Variants in ERBB4 observed in about 807,000 individuals in gnomAD.
ERBB4 encodes the protein erb-b2 receptor tyrosine kinase 4.
In ERBB4, 42 loss-of-function variants were observed where a neutral mutation model predicts 158.0. The observed-to-expected ratio is 0.27, with a 90% CI of 0.21 to 0.34. The LOEUF (loss-of-function observed/expected upper bound fraction) is 0.34. Ranked by LOEUF, ERBB4 falls within the 10% of genes least tolerant of loss-of-function variation. ERBB4 has a pLI of 1.00. For missense variants in ERBB4, 1,333 were observed against 1,624.1 expected, an observed-to-expected ratio of 0.82 and a Z score of 3.08; for synonymous variants, 583 against 558.7, an observed-to-expected ratio of 1.04 and a Z score of -0.61.
At chr2:212,373,660 G>A in intron 1 of ERBB4, among the ~76,000 whole-genome samples, 1 of 148,314 alleles carries the variant, frequency 6.7e-6, no homozygotes. Flanking sequence ...TATATGATAT[G>A]GTTGAAAGGT....
chr2:211,883,985 T>C (rs895327621), intron 3 of ERBB4, among the ~76,000 whole-genome samples: 2 of 152,162 alleles, frequency 1.3e-5, no homozygotes, highest in African/African-American at 4.8e-5. Context: ...TAATATGAAA[T>C]AGAGAAAATT....
At chr2:211,643,447 A>C (rs1379566999) in intron 16 of ERBB4, among the ~76,000 whole-genome samples, 1 of 152,084 alleles carries the variant, frequency 6.6e-6, no homozygotes, top group African/African-American at 2.4e-5. Context: ...TAACACCTAA[A>C]ACTATTGGGT....
chr2:212,293,873 A>AAAAAAT (rs1553612446), intron 1 of ERBB4, among the ~76,000 whole-genome samples: 3 of 146,058 alleles, frequency 2.1e-5, no homozygotes, highest in African/African-American at 8.0e-5. Context: ...AAAAAAAAAA[A>AAAAAAT]CATACATTTG....
chr2:212,467,587 C>A (rs903560104), intron 1 of ERBB4, among the ~76,000 whole-genome samples: 1 of 152,210 alleles, frequency 6.6e-6, no homozygotes, highest in African/African-American at 2.4e-5. Context: ...TGGGGAACCT[C>A]TGCCTAGATT....
Position 211,721,443 on chromosome 2 carries a change from CAAAAA to C in ERBB4, c.883+945_883+949del, listed in dbSNP as rs71054136. Among the ~76,000 whole-genome samples the C allele has an allele frequency of 2.1e-3, 113 of 54,496 alleles. 1 individual carries two copies. Among genetic ancestry groups the C allele is most frequent in the African/African-American group, 5.4e-3 (57 of 10,536 alleles). The allele number at this position is 54,496 out of a possible 152,430, so 35.8% of individuals were successfully genotyped here. ...GAAATGTCCCATTGGTTACTCAAAGCAAAAAAAAAAAAAAAAAAAAAATAGAGTCA... is the reference window on the plus strand; with the variant it reads ...GAAATGTCCCATTGGTTACTCAAAGCAAAAAAAAAAAAAAAAATAGAGTCA... On this transcript the variant is annotated intron_variant, in intron 7 of 27. Transcript: ENST00000342788.
At chr2:211,606,119 T>A (rs1220170197) in intron 19 of ERBB4, among the ~76,000 whole-genome samples, 1 of 152,068 alleles carries the variant, frequency 6.6e-6, no homozygotes, top group African/African-American at 2.4e-5. Context: ...AAGTATTAAA[T>A]AAAAGAATGA....
At chr2:211,565,733 A>C (rs192859863) in intron 19 of ERBB4, among the ~76,000 whole-genome samples, 63 of 152,244 alleles carry the variant, frequency 4.1e-4, no homozygotes, top group Non-Finnish European at 6.6e-4. Context: ...CCAAGGGTTT[A>C]TCGTGAGGTT....
intron 20 of ERBB4, among the ~76,000 whole-genome samples, chr2:211,546,236 A>C (rs747618503): frequency 6.6e-6 from 1 of 152,140 alleles, no homozygotes; most frequent in African/African-American, 2.4e-5. Context: ...GTGGCTACAT[A>C]GAATGACTCT....
intron 14 of ERBB4, among the ~76,000 whole-genome samples, chr2:211,671,772 A>C (rs16846710): frequency 0.29 from 43,512 of 151,968 alleles, 7,592 homozygotes; most frequent in East Asian, 0.88. Context: ...TTAAAGACTC[A>C]TACAGATATC....
chr2:211,512,281 G>T (rs949325291), intron 20 of ERBB4, among the ~76,000 whole-genome samples: 2 of 151,992 alleles, frequency 1.3e-5, no homozygotes, highest in African/African-American at 4.8e-5. Flanking sequence ...TAGACATGCG[G>T]TTTTTCCTTC....
chr2:212,124,523 A>G (rs1369363068), intron 2 of ERBB4: 7 of 542,748 alleles, frequency 1.3e-5, no homozygotes, highest in Non-Finnish European at 2.0e-5. Context: ...TCTTTTCTCA[A>G]TCTTAGGGCA....
chr2:212,391,706 A>ATATATTATATAT (rs2090870652), intron 1 of ERBB4, among the ~76,000 whole-genome samples: 1 of 91,370 alleles, frequency 1.1e-5, no homozygotes, highest in Non-Finnish European at 2.4e-5. Context: ...TATATATTAT[A>ATATATTATATAT]TATATTGACA....
At chr2:212,433,242 C>A (rs181046699) in intron 1 of ERBB4, among the ~76,000 whole-genome samples, 20 of 152,054 alleles carry the variant, frequency 1.3e-4, no homozygotes, top group Admixed American at 7.9e-4. Flanking sequence ...GACATTTTTA[C>A]AATGGATTTT....
At chr2:212,392,791 G>A (rs895568592) in intron 1 of ERBB4, among the ~76,000 whole-genome samples, 2 of 151,718 alleles carry the variant, frequency 1.3e-5, no homozygotes, top group Admixed American at 1.3e-4. Flanking sequence ...TACATTACTG[G>A]TCAACAAACT....
chr2:211,958,594 C>T (rs999579766), intron 2 of ERBB4, among the ~76,000 whole-genome samples: 1 of 151,954 alleles, frequency 6.6e-6, no homozygotes, highest in African/African-American at 2.4e-5. Context: ...GTCATATAGA[C>T]AAAAAGTGAT....
intron 2 of ERBB4, among the ~76,000 whole-genome samples, chr2:212,062,396 A>ATTTTTTTTTTTTTTTTTTT (rs1559419685): frequency 5.2e-5 from 5 of 96,534 alleles, no homozygotes; most frequent in Non-Finnish European, 6.1e-5. Flanking sequence ...TCACTTGTCA[A>ATTTTTTTTTTTTTTTTTTT]TTCTTTTTTT....
At chr2:211,556,072 A>G (rs2067230197) in intron 20 of ERBB4, among the ~76,000 whole-genome samples, 1 of 152,238 alleles carries the variant, frequency 6.6e-6, no homozygotes, top group African/African-American at 2.4e-5. Context: ...ACAATAGGCT[A>G]AAATAAAAAG....
chr2:211,520,048 T>C (rs569621624), intron 20 of ERBB4, among the ~76,000 whole-genome samples: 1 of 152,320 alleles, frequency 6.6e-6, no homozygotes, highest in East Asian at 1.9e-4. Context: ...CCTACTCTTC[T>C]ACTTACCTAG....
chr2:212,525,106 G>C (rs1479628446), intron 1 of ERBB4, among the ~76,000 whole-genome samples: 1 of 151,782 alleles, frequency 6.6e-6, no homozygotes, highest in Non-Finnish European at 1.5e-5. Context: ...TATTAATCCT[G>C]GTATGGAATA....
Sources: gnomAD v4.1 joint callset for allele counts (sites outside exome capture counted in the v4.1 genomes callset) on GRCh38, gnomAD v4.1.1 for gene constraint, MANE v1.5 for transcripts, NCBI Gene and HGNC (gene_info 2026-07-23, HGNC 2026-07-21) for gene names.